Variants in EDRF1 observed in about 807,000 individuals in gnomAD.
EDRF1 encodes erythroid differentiation regulatory factor 1, also known as erythroid differentiation-related factor 1.
Under a neutral mutation model 148.7 loss-of-function variants are expected in EDRF1, and 69 were observed. The observed-to-expected ratio is 0.46, with a 90% CI of 0.38 to 0.57. The LOEUF is 0.57. EDRF1 is among the 20% of genes least tolerant of loss of function. The pLI is 0.00. For synonymous variants in EDRF1, 515 were observed against 532.8 expected (o/e 0.97, Z 0.46); for missense variants, 1,118 against 1,478.7 (o/e 0.76, Z 4.00).
intron 9 of EDRF1, chr10:125,731,884 T>TC: frequency 2.2e-6 from 1 of 453,972 alleles, no homozygotes; most frequent in South Asian, 1.6e-5. Flanking sequence ...ATGCTGTTAT[T>TC]CCTATTTGAT....
intron 18 of EDRF1, among the ~76,000 whole-genome samples, chr10:125,743,889 T>C (rs879639715): frequency 2.6e-5 from 4 of 151,944 alleles, no homozygotes; most frequent in Non-Finnish European, 5.9e-5. Flanking sequence ...GGATAGTGGG[T>C]AAGTAAGATG....
Position 125,733,621 on chromosome 10 carries a change from G to C in EDRF1, c.1277-14G>C, listed in dbSNP as rs545490290. ...AACTGCTGTGAAATGAGTCTTCTTT[G>C]TTTTTCTTTTCAGCAAGTGGCAGCG... On this transcript the variant is annotated splice_polypyrimidine_tract_variant and intron_variant, in intron 10 of 24. Transcript: ENST00000356792. The C allele has an allele frequency of 6.2e-7, 1 of 1,612,884 alleles. No individual in the cohort carries two copies. The highest frequency in any genetic ancestry group is 1.1e-5 in the South Asian group (1 of 91,050).
At chr10:125,733,865 ATACACG>A in intron 11 of EDRF1, 122 bp downstream of exon 11, 1 of 965,668 alleles carries the variant, frequency 1.0e-6, no homozygotes. Flanking sequence ...AGGGGGAAAA[ATACACG>A]TACACATTGT....
chr10:125,760,141 T>C (rs1000068356), intron 24 of EDRF1, among the ~76,000 whole-genome samples: 1 of 152,256 alleles, frequency 6.6e-6, no homozygotes, highest in African/African-American at 2.4e-5. Flanking sequence ...GAGCAGATAC[T>C]GCATATGGTA....
At chr10:125,749,015 C>T (rs930343281) in intron 21 of EDRF1, 6 of 263,952 alleles carry the variant, frequency 2.3e-5, no homozygotes, top group African/African-American at 1.1e-4. Context: ...ACTTTGGGAG[C>T]CGAGGTGGTT....
chr10:125,748,068 G>C, intron 21 of EDRF1, 56 bp downstream of exon 21: 2 of 1,604,514 alleles, frequency 1.2e-6, no homozygotes, highest in Non-Finnish European at 1.7e-6. Flanking sequence ...TGTTCTGGGT[G>C]CTTTTTGTTT....
chr10:125,719,983 A>T, intron 1 of EDRF1, 68 bp downstream of exon 1: 1 of 1,429,758 alleles, frequency 7.0e-7, no homozygotes, highest in Admixed American at 1.8e-5. Flanking sequence ...CCGGGGAGGG[A>T]TGCCACGGTT....
chr10:125,752,452 G>A (rs1473131729), intron 22 of EDRF1, among the ~76,000 whole-genome samples: 1 of 152,220 alleles, frequency 6.6e-6, no homozygotes, highest in Non-Finnish European at 1.5e-5. Flanking sequence ...CTGATACTAA[G>A]TGCTTATGTG....
chr10:125,758,973 G>C (rs1168493600), intron 24 of EDRF1, among the ~76,000 whole-genome samples: 1 of 152,020 alleles, frequency 6.6e-6, no homozygotes, highest in Non-Finnish European at 1.5e-5. Context: ...CCCTAAGGTT[G>C]GCAGGGTTCA....
Position 125,741,197 on chromosome 10 carries a change from C to G in EDRF1, c.2367C>G (p.Cys789Trp). Residue 789 changes from cysteine to tryptophan, a missense_variant, in exon 17 of 25, where the codon TGC becomes TGG. By Grantham distance (215) the Cys-to-Trp change is radical (BLOSUM62 -2). Around this residue, in one of 3 missense-constraint regions of EDRF1, gnomAD observed 954 missense variants for 1,241.4 expected, o/e 0.77. Coordinates refer to ENST00000356792, the MANE Select transcript of EDRF1 (RefSeq NM_001202438.2). Reference sequence around the variant, plus strand: ...ATAGCCTTCACAGAGAGTCCAGTTGCCAAGGTGTGCCACAGGCTTGGACCA... The same window carrying G: ...ATAGCCTTCACAGAGAGTCCAGTTGGCAAGGTGTGCCACAGGCTTGGACCA... The part of the protein sequence containing the change: ...ILHSLHRESS[C>W]QGFAWATDLS... 1 of 1,614,106 alleles carries G rather than the reference C, an allele frequency of 6.2e-7. No homozygotes were observed. The highest frequency in any genetic ancestry group is 8.5e-7 in the Non-Finnish European group (1 of 1,179,994).
intron 17 of EDRF1, chr10:125,741,750 G>GTGGGGCAGTC (rs1178610568): frequency 2.3e-5 from 4 of 174,956 alleles, no homozygotes; most frequent in African/African-American, 9.6e-5. Flanking sequence ...CTGGAGTGCA[G>GTGGGGCAGTC]TGGGGCAGTC....
At chr10:125,740,951 A>C in intron 16 of EDRF1, 50 bp from the exon 17 acceptor site, 3 of 1,556,892 alleles carry the variant, frequency 1.9e-6, no homozygotes, top group Non-Finnish European at 2.7e-6. Flanking sequence ...TATGATCATT[A>C]ATTTTTTTCT....
At chr10:125,755,207 A>G (rs1365543391) in intron 24 of EDRF1, among the ~76,000 whole-genome samples, 1 of 152,232 alleles carries the variant, frequency 6.6e-6, no homozygotes, top group Non-Finnish European at 1.5e-5. Flanking sequence ...TGTTTCTATC[A>G]TGAATGGATA....
chr10:125,719,793 C>G lies in EDRF1; in HGVS notation c.-15C>G. ...CTCCGCTCCCCCGTCGTATCGCCTG[C>G]CCTGGATCGAAGTGATGGGGGATGC... On this transcript the variant is annotated 5_prime_UTR_variant, in exon 1 of 25. Transcript: ENST00000356792. 1 of 1,606,630 alleles carries G rather than the reference C, an allele frequency of 6.2e-7. No individual in the cohort carries two copies. Among genetic ancestry groups the G allele is most frequent in the Non-Finnish European group, 8.5e-7 (1 of 1,175,992 alleles).
rs1589887344 is a variant in EDRF1 at position 125,763,336 on chromosome 10, A to G, written c.3581A>G (p.Asn1194Ser). 1.2e-6 allele frequency: 2 copies of G among 1,613,576 alleles called. No individual in the cohort carries two copies. Among genetic ancestry groups the G allele is most frequent in the African/African-American group, 1.3e-5 (1 of 75,048 alleles). Residue 1194 changes from asparagine (N) to serine (S), a missense_variant, in exon 25 of 25, where the codon AAC (asparagine) becomes AGC (serine). Asn to Ser is a conservative substitution (Grantham distance 46). Coordinates refer to ENST00000356792, the MANE Select transcript of EDRF1 (RefSeq NM_001202438.2). This position sits in a 1 kb window ranked among gnomAD's most constrained non-coding sequence, Gnocchi z 4.3. ...NIEDDTILKT[N>S]KHIYSQLLRA... ...GAAGATGACACAATTCTCAAAACCA[A>G]CAAGCACATTTACTCCCAGCTTTTG...
intron 21 of EDRF1, chr10:125,748,301 G>A (rs959621804): frequency 2.6e-5 from 12 of 462,528 alleles, no homozygotes; most frequent in African/African-American, 1.2e-4. Flanking sequence ...GTTGGCACAC[G>A]TAGCTGTTCA....
chr10:125,724,775 C>T (rs1738421916), intron 4 of EDRF1, among the ~76,000 whole-genome samples: 1 of 152,324 alleles, frequency 6.6e-6, no homozygotes, highest in Middle Eastern at 3.4e-3. Context: ...CCCTCCATAT[C>T]TGTACTTTTC....
intron 24 of EDRF1, chr10:125,756,744 T>C (rs554663420): frequency 7.9e-6 from 3 of 378,606 alleles, no homozygotes; most frequent in Admixed American, 7.5e-5. Flanking sequence ...GTATGTCTTT[T>C]ATATTAAAAT....
At chr10:125,736,034 T>C in intron 13 of EDRF1, 130 bp downstream of exon 13, 1 of 956,870 alleles carries the variant, frequency 1.0e-6, no homozygotes, top group East Asian at 2.5e-5. Context: ...AATCATTAGT[T>C]TTCTGAATTC....
Sources: gnomAD v4.1 joint callset for allele counts (sites outside exome capture counted in the v4.1 genomes callset) on GRCh38, gnomAD v4.1.1 for gene constraint, gnomAD v4.1.1 regional missense constraint, Gnocchi (gnomAD v3.1) non-coding constraint, MANE v1.5 for transcripts, NCBI Gene and HGNC (gene_info 2026-07-23, HGNC 2026-07-21) for gene names.